The following MYOF variants were observed in gnomAD, a reference collection of about 807,000 sequenced individuals.
The protein encoded by MYOF is fer-1-like 3, myoferlin.
MYOF carries 244 observed loss-of-function variants against 284.2 expected under a neutral mutation model. The observed-to-expected ratio is 0.86, with a 90% CI of 0.77 to 0.95. The LOEUF is 0.95. Ranked by LOEUF, MYOF falls within the 40% of genes least tolerant of loss-of-function variation. The pLI, the probability that MYOF is intolerant of heterozygous loss-of-function variation, is 0.00. For missense variants in MYOF, 2,496 were observed against 2,560.6 expected, an observed-to-expected ratio of 0.97 and a Z score of 0.54; for synonymous variants, 904 against 919.7, an observed-to-expected ratio of 0.98 and a Z score of 0.31.
In MYOF at chr10:93,434,376, A is replaced by G. The variant is rs537880470; in HGVS notation, c.237-2860T>C. ...GAACCGTGAGGCAGAGGTTGCAGTG[A>G]GCCAAGATCAGGCCACTGCACTCCA... On this transcript the variant is annotated intron_variant, in intron 3 of 53. Transcript: ENST00000359263. Among the ~76,000 whole-genome samples the G allele has an allele frequency of 2.0e-5, 3 of 150,786 alleles. No individual in the cohort carries two copies. In the South Asian group the frequency reaches 6.3e-4, roughly 32 times the overall value.
intron 5 of MYOF, among the ~76,000 whole-genome samples, chr10:93,422,764 C>A (rs1848409087): frequency 1.3e-5 from 2 of 152,106 alleles, no homozygotes; most frequent in African/African-American, 4.8e-5. Flanking sequence ...TCACTGCACT[C>A]CGGCCTGGGT....
At chr10:93,339,013 C>CTTTTTTTT (rs59509598) in intron 39 of MYOF, among the ~76,000 whole-genome samples, 21 of 131,388 alleles carry the variant, frequency 1.6e-4, no homozygotes, top group African/African-American at 5.1e-4. Context: ...AAGGCTACCA[C>CTTTTTTTT]TTTTTTTTTT....
At chr10:93,428,364 CTAA>C (rs1564710901) in intron 4 of MYOF, among the ~76,000 whole-genome samples, 1 of 48,904 alleles carries the variant, frequency 2.0e-5, no homozygotes, top group African/African-American at 6.6e-5. Context: ...CCATGCCCAG[CTAA>C]TTTTTGTTTT....
At chr10:93,307,248 G>T (rs1306052670) in intron 53 of MYOF, among the ~76,000 whole-genome samples, 2 of 151,944 alleles carry the variant, frequency 1.3e-5, no homozygotes, top group African/African-American at 4.8e-5. Context: ...GTCCTCTTGG[G>T]GGTGGGGAGC....
In MYOF at chr10:93,396,219, C is replaced by T. The variant is rs750567256; in HGVS notation, c.1340G>A (p.Arg447His). The T allele has an allele frequency of 2.1e-5, 34 of 1,589,298 alleles. No individual in the cohort carries two copies. The highest frequency in any genetic ancestry group is 1.7e-4 in the Middle Eastern group (1 of 5,996). ...KIKLTIYDWDRLTKNDVVGTT... is the reference protein window; with the variant it reads ...KIKLTIYDWDHLTKNDVVGTT... ...TCCAACTACATCATTTTTAGTAAGA[C>T]GGTCCCTGTGTAAAAAATAAAAATA... Residue 447 changes from arginine to histidine, a missense_variant, in exon 16 of 54, where the codon CGT becomes CAT. Arg to His is a conservative substitution (Grantham distance 29, BLOSUM62 0). Around this residue, in one of 3 missense-constraint regions of MYOF, gnomAD observed 2,436 missense variants for 2,480.7 expected, o/e 0.98. Transcript: ENST00000359263.
chr10:93,352,579 T>C (rs955782135), intron 32 of MYOF, among the ~76,000 whole-genome samples: 2 of 152,218 alleles, frequency 1.3e-5, no homozygotes, highest in African/African-American at 4.8e-5. Flanking sequence ...CCTTGCTAAA[T>C]AATTTCATCA....
chr10:93,352,039 C>T (rs1427890967), intron 32 of MYOF, among the ~76,000 whole-genome samples, 193 bp from the exon 33 acceptor site: 5 of 152,128 alleles, frequency 3.3e-5, no homozygotes, highest in Non-Finnish European at 7.4e-5. Context: ...GCACCTGAAG[C>T]GAGACCCTGA....
intron 41 of MYOF, among the ~76,000 whole-genome samples, chr10:93,334,859 G>C (rs1354890504): frequency 6.6e-6 from 1 of 152,132 alleles, no homozygotes; most frequent in Non-Finnish European, 1.5e-5. Flanking sequence ...TTGCTTGGTG[G>C]GAGGCTGTAC....
At chr10:93,467,463 G>C (rs998747750) in intron 1 of MYOF, among the ~76,000 whole-genome samples, 1 of 151,976 alleles carries the variant, frequency 6.6e-6, no homozygotes, top group African/African-American at 2.4e-5. Context: ...TGATTAAAAA[G>C]TCAGGAAACA....
intron 1 of MYOF, among the ~76,000 whole-genome samples, chr10:93,460,868 G>A (rs2056861311): frequency 1.3e-5 from 2 of 152,024 alleles, no homozygotes; most frequent in African/African-American, 4.8e-5. Context: ...GGCTGAGGCA[G>A]GCGGATCACC....
chr10:93,392,029 T>C (rs758133940), intron 17 of MYOF, among the ~76,000 whole-genome samples: 1 of 151,776 alleles, frequency 6.6e-6, no homozygotes, highest in Non-Finnish European at 1.5e-5. Context: ...ACATAAATAT[T>C]CATTGATTGG....
chr10:93,322,613 T>C (rs1842890273), intron 48 of MYOF, among the ~76,000 whole-genome samples: 1 of 152,220 alleles, frequency 6.6e-6, no homozygotes, highest in African/African-American at 2.4e-5. Context: ...GTTGGGAGAA[T>C]AAATTACTTC....
rs764168365 is a variant in MYOF, at chr10:93,366,521, C to A, written c.2624G>T (p.Gly875Val). Residue 875 changes from glycine to valine, a missense_variant, in exon 26 of 54, where the codon GGT (glycine) becomes GTT (valine). Transcript: ENST00000359263. ...ENQALMFGKWGTSGLVGRHKF... is the reference protein window; with the variant it reads ...ENQALMFGKWVTSGLVGRHKF... Reference sequence around the variant, plus strand: ...ATGACGTCCTACTAATCCAGAAGTACCCCATTTTCCAAACATGAGAGCTTG... The same window carrying A: ...ATGACGTCCTACTAATCCAGAAGTAACCCATTTTCCAAACATGAGAGCTTG... The A allele has an allele frequency of 1.9e-6, 3 of 1,611,652 alleles. No homozygotes were observed. The Admixed American group carries it at 5.1e-5, about 27-fold the overall frequency.
intron 32 of MYOF, among the ~76,000 whole-genome samples, chr10:93,352,345 T>A (rs1362169495): frequency 6.6e-6 from 1 of 152,236 alleles, no homozygotes; most frequent in Non-Finnish European, 1.5e-5. Context: ...ATAGGAAGTA[T>A]CTGATAAATG....
intron 29 of MYOF, among the ~76,000 whole-genome samples, chr10:93,359,152 T>C (rs1844947572): frequency 6.6e-6 from 1 of 152,168 alleles, no homozygotes; most frequent in Non-Finnish European, 1.5e-5. Flanking sequence ...TGTTTGGACT[T>C]AGCCCGGGTT....
intron 5 of MYOF, among the ~76,000 whole-genome samples, chr10:93,416,757 C>A (rs1848141185): frequency 6.6e-6 from 1 of 151,870 alleles, no homozygotes; most frequent in African/African-American, 2.4e-5. Context: ...ACCACCACGC[C>A]TGGCTAATTT....
chr10:93,474,299 G>A (rs912939508), intron 1 of MYOF, among the ~76,000 whole-genome samples: 2 of 152,108 alleles, frequency 1.3e-5, no homozygotes, highest in Non-Finnish European at 2.9e-5. Flanking sequence ...TGGTTGATGA[G>A]TAAAGTTCAA....
intron 19 of MYOF, among the ~76,000 whole-genome samples, chr10:93,381,745 A>G (rs1268640859): frequency 6.6e-6 from 1 of 152,148 alleles, no homozygotes; most frequent in Non-Finnish European, 1.5e-5. Context: ...AAAAAAGAGT[A>G]TATTTTTTGG....
intron 1 of MYOF, among the ~76,000 whole-genome samples, chr10:93,459,501 C>A (rs1241097055): frequency 6.6e-6 from 1 of 152,288 alleles, no homozygotes; most frequent in East Asian, 1.9e-4. Flanking sequence ...AGTTAACCTG[C>A]CTTCAATCAC....
Sources: gnomAD v4.1 joint callset for allele counts (sites outside exome capture counted in the v4.1 genomes callset) on GRCh38, gnomAD v4.1.1 for gene constraint, gnomAD v4.1.1 regional missense constraint, MANE v1.5 for transcripts, NCBI Gene and HGNC (gene_info 2026-07-23, HGNC 2026-07-21) for gene names.